The following LCORL variants were observed in gnomAD, a reference collection of about 807,000 sequenced individuals.
The protein encoded by LCORL is ligand-dependent nuclear receptor corepressor-like protein.
A neutral mutation model predicts 141.8 loss-of-function variants in LCORL; 41 were observed. The observed-to-expected ratio is 0.29, with a 90% CI of 0.23 to 0.38. LCORL has a LOEUF of 0.38. LCORL is among the 10% of genes least tolerant of loss of function. The probability of loss-of-function intolerance (pLI) is 1.00; values close to 1 mark genes in which losing one functional copy is unlikely to be tolerated. For synonymous variants in LCORL, 618 were observed against 694.1 expected (o/e 0.89, Z 1.72); for missense variants, 1,759 against 2,035.0 (o/e 0.86, Z 2.61).
chr4:17,882,482 A>T (rs1727703965), intron 6 of LCORL: 1 of 984,344 alleles, frequency 1.0e-6, no homozygotes, highest in Non-Finnish European at 1.2e-6. Flanking sequence ...AGTCTCTCTT[A>T]TGAGTCTAGT....
At chr4:17,965,351 C>T (rs1194931801) in intron 2 of LCORL, among the ~76,000 whole-genome samples, 1 of 152,004 alleles carries the variant, frequency 6.6e-6, no homozygotes, top group Non-Finnish European at 1.5e-5. Flanking sequence ...TTCACTCTCC[C>T]CAGGTTATCT....
intron 1 of LCORL, among the ~76,000 whole-genome samples, chr4:17,998,988 ATATATATATATAT>A (rs1721428128): frequency 5.6e-5 from 3 of 53,954 alleles, no homozygotes; most frequent in African/African-American, 1.3e-4. Context: ...AAAAAAAAAT[ATATATATATATAT>A]ATACACACAT....
chr4:17,946,004 G>A (rs1243159651), intron 4 of LCORL, among the ~76,000 whole-genome samples: 1 of 151,838 alleles, frequency 6.6e-6, no homozygotes, highest in Admixed American at 6.6e-5. Context: ...AGACATCTAA[G>A]ACATATAGAT....
chr4:17,866,122 G>T (rs1725616802), intron 7 of LCORL, among the ~76,000 whole-genome samples: 1 of 152,006 alleles, frequency 6.6e-6, no homozygotes, highest in Admixed American at 6.6e-5. Flanking sequence ...TAGACACACT[G>T]GCCATGACTT....
At chr4:18,005,933 C>T (rs9647449) in intron 1 of LCORL, among the ~76,000 whole-genome samples, 30,998 of 152,166 alleles carry the variant, frequency 0.2, 4,009 homozygotes, top group African/African-American at 0.36. Flanking sequence ...GATTAACATT[C>T]GGCTCCTCAT....
intron 4 of LCORL, among the ~76,000 whole-genome samples, chr4:17,941,196 G>A (rs753071716): frequency 6.6e-5 from 10 of 152,280 alleles, no homozygotes; most frequent in Admixed American, 2.6e-4. Flanking sequence ...CTAACACGGT[G>A]AAACCCCATT....
chr4:17,967,332 G>T (rs769025177), intron 2 of LCORL, among the ~76,000 whole-genome samples: 7 of 152,042 alleles, frequency 4.6e-5, no homozygotes, highest in Non-Finnish European at 1.0e-4. Flanking sequence ...CTATAATGAT[G>T]GATCAATGAC....
At chr4:17,855,625 G>A (rs924621720) in intron 7 of LCORL, among the ~76,000 whole-genome samples, 3 of 152,066 alleles carry the variant, frequency 2.0e-5, no homozygotes, top group Non-Finnish European at 4.4e-5. Context: ...GATTTGCTCT[G>A]GCCAACAGGA....
Position 17,941,896 on chromosome 4 carries a change from TTAAG to T in LCORL, c.430+20003_430+20006del, listed in dbSNP as rs1738040602. Among the ~76,000 whole-genome samples, 3 of 152,158 alleles carry T rather than the reference TTAAG, an allele frequency of 2.0e-5. No individual in the cohort carries two copies. In the South Asian group the frequency reaches 6.3e-4, roughly 32 times the overall value. On this transcript the variant is annotated intron_variant, in intron 4 of 7. Coordinates refer to ENST00000635767, the Ensembl canonical transcript of LCORL. ...TCCTCAGCAGTGATGACACTTGCTA[TTAAG>T]TATCATAAATCTCTGAACCATCAGA...
chr4:17,913,835 T>C (rs954683164), intron 4 of LCORL, among the ~76,000 whole-genome samples: 3 of 152,238 alleles, frequency 2.0e-5, no homozygotes, highest in Admixed American at 6.5e-5. Flanking sequence ...AAAAATTGCA[T>C]TGACATGGTT....
rs1232018144 is a variant in LCORL at position 17,878,708 on chromosome 4, G to A, written c.777-495C>T. On this transcript the variant is annotated intron_variant, in intron 6 of 7. Transcript: ENST00000635767. ...TCCATAATCACAAGGAAAATTAAGG[G>A]ATTTAGATTTTATGTAAATAAGAGA... is the stretch of plus-strand genomic sequence containing the variant. Among the ~76,000 whole-genome samples, 3 of 151,268 alleles carry A rather than the reference G, an allele frequency of 2.0e-5. 1 individual carries two copies. Among genetic ancestry groups the A allele is most frequent in the African/African-American group, 7.3e-5 (3 of 41,336 alleles).
chr4:18,004,680 T>C (rs550349686), intron 1 of LCORL, among the ~76,000 whole-genome samples: 2 of 152,300 alleles, frequency 1.3e-5, no homozygotes, highest in South Asian at 4.1e-4. Context: ...AAACCAGTCA[T>C]GCCCTCCCAG....
At chr4:17,982,658 T>G (rs1718223625) in intron 1 of LCORL, among the ~76,000 whole-genome samples, 1 of 152,186 alleles carries the variant, frequency 6.6e-6, no homozygotes, top group Admixed American at 6.5e-5. Context: ...TCCCTATAGA[T>G]GCTGGAAATT....
intron 5 of LCORL, among the ~76,000 whole-genome samples, chr4:17,898,846 T>C (rs1455693559): frequency 2.0e-5 from 3 of 152,252 alleles, no homozygotes; most frequent in East Asian, 3.9e-4. Context: ...TTCCCTGAAA[T>C]GGGATTGCTA....
At chr4:18,020,943 T>G (rs1455357078) in intron 1 of LCORL, among the ~76,000 whole-genome samples, 2 of 152,090 alleles carry the variant, frequency 1.3e-5, no homozygotes, top group African/African-American at 4.8e-5. Context: ...GGCTCCTTCT[T>G]AAAGGGGTAC....
intron 7 of LCORL, among the ~76,000 whole-genome samples, chr4:17,851,116 T>C (rs909305624): frequency 8.8e-6 from 1 of 113,744 alleles, no homozygotes; most frequent in Non-Finnish European, 1.7e-5. Context: ...CATCACACTC[T>C]GGGGACTGTT....
intron 2 of LCORL, 73 bp downstream of exon 2, chr4:17,972,747 T>C (rs575878197): frequency 1.7e-6 from 1 of 588,974 alleles, no homozygotes; most frequent in African/African-American, 2.0e-5. Context: ...ATAAAGTTAG[T>C]ATAGAACAAC....
intron 4 of LCORL, among the ~76,000 whole-genome samples, chr4:17,961,630 T>A (rs1039359397): frequency 4.6e-5 from 7 of 151,696 alleles, no homozygotes; most frequent in African/African-American, 1.7e-4. Context: ...ATAAGAAAAA[T>A]TTTTAAAGGT....
At chr4:17,919,331 T>C (rs965150171) in intron 4 of LCORL, among the ~76,000 whole-genome samples, 1 of 152,114 alleles carries the variant, frequency 6.6e-6, no homozygotes, top group Non-Finnish European at 1.5e-5. Flanking sequence ...TAGAGAGAAA[T>C]TAATCCCAAT....
Sources: allele counts gnomAD v4.1 joint callset (sites outside exome capture counted in the v4.1 genomes callset), GRCh38; gene constraint gnomAD v4.1.1; transcripts MANE v1.5; gene names NCBI Gene and HGNC (gene_info 2026-07-23, HGNC 2026-07-21).